Variants in EFCAB6 observed in about 807,000 individuals in gnomAD.
EFCAB6 encodes the protein EF-hand calcium binding domain 6, also known as EF-hand calcium-binding domain-containing protein 6.
EFCAB6 carries 156 observed loss-of-function variants against 169.8 expected under a neutral mutation model. The observed-to-expected ratio is 0.92, with a 90% confidence interval of 0.81 to 1.05. EFCAB6 has a LOEUF of 1.05. Ranked by LOEUF, EFCAB6 falls within the 50% of genes least tolerant of loss-of-function variation. The pLI is 0.00. For synonymous variants in EFCAB6, 698 were observed against 676.4 expected, an observed-to-expected ratio of 1.03 and a Z score of -0.50; for missense variants, 1,800 against 1,829.1, an observed-to-expected ratio of 0.98 and a Z score of 0.29.
At chr22:43,683,969 G>T (rs1200877755) in intron 11 of EFCAB6, 114 bp from the exon 12 acceptor site, 1 of 756,056 alleles carries the variant, frequency 1.3e-6, no homozygotes, top group South Asian at 1.7e-5. Flanking sequence ...TTCTCTGTGC[G>T]TGGCTCTTTT....
chr22:43,794,355 T>A (rs990909058), intron 2 of EFCAB6, among the ~76,000 whole-genome samples: 1 of 152,162 alleles, frequency 6.6e-6, no homozygotes, highest in Admixed American at 6.5e-5. Flanking sequence ...TATCCATATT[T>A]TTAGAGGTGG....
chr22:43,613,350 G>T (rs2053459915), intron 21 of EFCAB6, among the ~76,000 whole-genome samples: 1 of 151,856 alleles, frequency 6.6e-6, no homozygotes, highest in African/African-American at 2.4e-5. Flanking sequence ...GTGAAGACAT[G>T]GAATCAACCT....
At position 43,545,358 on chromosome 22, in the gene EFCAB6, T is replaced by C. The variant is rs188437591; in HGVS notation, c.3649-5001A>G. Among the ~76,000 whole-genome samples the C allele has an allele frequency of 5.2e-3, 790 of 152,302 alleles. 4 individuals are homozygous for C. The highest frequency in any genetic ancestry group is 0.041 in the Middle Eastern group (12 of 294). ...TTACAGTTTAAAGAGATCCTAGGCA[T>C]TATGGCAGCCTAGACATTCTAATAA... On this transcript the variant is annotated intron_variant, in intron 27 of 31. Coordinates refer to ENST00000262726, the MANE Select transcript of EFCAB6 (RefSeq NM_022785.4).
Position 43,626,389 on chromosome 22 carries a change from C to T in EFCAB6, c.2465+58G>A, listed in dbSNP as rs1370898477. Reference sequence around the variant, plus strand: ...TTGCGGACGCCATGGAAATGCTGGACGTCACAGTGGCACGGGCCGGCATAT... The same window carrying T: ...TTGCGGACGCCATGGAAATGCTGGATGTCACAGTGGCACGGGCCGGCATAT... On this transcript the variant is annotated intron_variant, in intron 20 of 31. Coordinates refer to ENST00000262726, the MANE Select transcript of EFCAB6 (RefSeq NM_022785.4). 46 of 1,519,944 alleles carry T rather than the reference C, an allele frequency of 3.0e-5. No homozygotes were observed. In the East Asian group the frequency reaches 4.4e-4, roughly 14 times the overall value. The allele number at this position is 1,519,944 out of a possible 1,614,324, so 94.2% of individuals were successfully genotyped here.
intron 13 of EFCAB6, among the ~76,000 whole-genome samples, chr22:43,676,897 A>T (rs1425744187): frequency 6.6e-6 from 1 of 152,192 alleles, no homozygotes; most frequent in Non-Finnish European, 1.5e-5. Context: ...CAGCTAAACC[A>T]TCTTAAAGCT....
chr22:43,627,390 G>A (rs967518179), intron 19 of EFCAB6, among the ~76,000 whole-genome samples: 1 of 152,208 alleles, frequency 6.6e-6, no homozygotes, highest in Non-Finnish European at 1.5e-5. Context: ...ACGTGACCAT[G>A]GGTGAGATAA....
In EFCAB6 at chr22:43,577,574, G is replaced by C. The variant is rs565008664; in HGVS notation, c.3229-1086C>G. On this transcript the variant is annotated intron_variant, in intron 25 of 31. Coordinates refer to ENST00000262726, the MANE Select transcript of EFCAB6 (RefSeq NM_022785.4). ...TAAACTTTAGCTTCTTTACTGTAAA[G>C]ATGGACTTAACTCAGAGGGCAGGTG... 9.2e-5 allele frequency among the ~76,000 whole-genome samples: 14 copies of C among 152,306 alleles called. No homozygotes were observed. In the South Asian group the frequency reaches 2.9e-3, roughly 32 times the overall value.
rs144517231 is a variant in EFCAB6 at position 43,667,261 on chromosome 22, G to A, written c.1826C>T (p.Thr609Met). The A allele has an allele frequency of 1.9e-5, 31 of 1,613,052 alleles. No homozygotes were observed. Among genetic ancestry groups the A allele is most frequent in the African/African-American group, 1.9e-4 (14 of 74,784 alleles). ...QPDLSERTKLTEDKTTLTKKM... is the reference protein window; with the variant it reads ...QPDLSERTKLMEDKTTLTKKM... The stretch of plus-strand genomic sequence containing the variant: ...CTTGGTCAGGGTGGTTTTATCCTCC[G>A]TGAGCTTGGTTCTAAAATCACAAGC... The change falls in exon 17 of 32, where the codon ACG (threonine) becomes ATG (methionine). Residue 609 changes from threonine to methionine, a missense_variant. Thr to Met is a moderately conservative substitution (Grantham distance 81, BLOSUM62 -1). Transcript: ENST00000262726.
At chr22:43,671,419 C>A (rs2057489015) in intron 15 of EFCAB6, among the ~76,000 whole-genome samples, 1 of 152,020 alleles carries the variant, frequency 6.6e-6, no homozygotes, top group Admixed American at 6.6e-5. Context: ...GATTGTGTAT[C>A]ATTATTTGCT....
Position 43,744,468 on chromosome 22 carries a change from C to G in EFCAB6, c.508-8475G>C, listed in dbSNP as rs2060491905. Among the ~76,000 whole-genome samples the G allele has an allele frequency of 6.6e-6, 1 of 152,122 alleles. No homozygotes were observed. Among genetic ancestry groups the G allele is most frequent in the Non-Finnish European group, 1.5e-5 (1 of 68,020 alleles). Reference sequence around the variant, plus strand: ...GCAGCAGATGAAAGCAGCCTGAACACCTATTTTGGTATGGACGGGACTTGT... The same window carrying G: ...GCAGCAGATGAAAGCAGCCTGAACAGCTATTTTGGTATGGACGGGACTTGT... On this transcript the variant is annotated intron_variant, in intron 6 of 31. Coordinates refer to ENST00000262726, the MANE Select transcript of EFCAB6 (RefSeq NM_022785.4). The surrounding 1 kb of genome is among the most constrained non-coding windows in gnomAD (Gnocchi z 4.3).
intron 2 of EFCAB6, among the ~76,000 whole-genome samples, chr22:43,786,710 TA>T (rs1169494473): frequency 6.8e-6 from 1 of 147,854 alleles, no homozygotes; most frequent in African/African-American, 2.5e-5. Flanking sequence ...CGAGACTCCA[TA>T]AAAAAAATAA....
rs563974290 is a variant in EFCAB6, at chr22:43,530,888, C to T, written c.4310G>A (p.Arg1437Lys). ...RIQPKIVHCWRPMRRTFKSYD... is the reference protein window; with the variant it reads ...RIQPKIVHCWKPMRRTFKSYD... The stretch of plus-strand genomic sequence containing the variant: ...GCTTTTGAACGTGCGCCGCATTGGC[C>T]TCCAGCAGTGCACAATTTTGGGCTG... The change falls in exon 31 of 32, where the codon AGG (arginine) becomes AAG (lysine). Residue 1437 changes from arginine (R) to lysine (K), a missense_variant. Transcript: ENST00000262726. 2 of 1,614,252 alleles carry T rather than the reference C, an allele frequency of 1.2e-6. No individual in the cohort carries two copies. The highest frequency in any genetic ancestry group is 2.7e-5 in the African/African-American group (2 of 75,070).
At chr22:43,593,190 G>A (rs559443029) in intron 23 of EFCAB6, among the ~76,000 whole-genome samples, 29 of 152,336 alleles carry the variant, frequency 1.9e-4, no homozygotes, top group Middle Eastern at 3.4e-3. Flanking sequence ...ATATTTTTGA[G>A]GAAACAGAAA....
At chr22:43,622,327 G>A (rs1472611590) in intron 20 of EFCAB6, among the ~76,000 whole-genome samples, 1 of 152,166 alleles carries the variant, frequency 6.6e-6, no homozygotes, top group Non-Finnish European at 1.5e-5. Context: ...CACTTCAGGA[G>A]GCCAAGGTGG....
At chr22:43,704,138 A>G (rs745476825) in intron 10 of EFCAB6, among the ~76,000 whole-genome samples, 1 of 152,152 alleles carries the variant, frequency 6.6e-6, no homozygotes, top group Non-Finnish European at 1.5e-5. Flanking sequence ...AAAAAAACAT[A>G]TCACATACAA....
chr22:43,537,116 G>A lies in EFCAB6; in HGVS notation c.4048+261C>T, dbSNP rs1179219489. The A allele has an allele frequency of 2.8e-6, 1 of 359,798 alleles. No homozygotes were observed. The highest frequency in any genetic ancestry group is 5.0e-6 in the Non-Finnish European group (1 of 198,300). The allele number at this position is 359,798 out of a possible 1,614,324, so 22.3% of individuals were successfully genotyped here. ...CACTCTGCCCAGGGTGGCAACCACT[G>A]TGATTTCTAAAGCTCAGAGTTAGTG... On this transcript the variant is annotated intron_variant, in intron 29 of 31. Coordinates refer to ENST00000262726, the MANE Select transcript of EFCAB6 (RefSeq NM_022785.4). This position sits in a 1 kb window ranked among gnomAD's most constrained non-coding sequence, Gnocchi z 4.3.
rs145149051 is a variant in EFCAB6 at position 43,588,323 on chromosome 22, TC to T, written c.3032+1750del. Among the ~76,000 whole-genome samples the T allele has an allele frequency of 4.2e-3, 646 of 152,336 alleles. 5 individuals carry two copies. The highest frequency in any genetic ancestry group is 0.014 in the African/African-American group (592 of 41,578). On this transcript the variant is annotated intron_variant, in intron 24 of 31. Coordinates refer to ENST00000262726, the MANE Select transcript of EFCAB6 (RefSeq NM_022785.4). ...AAAAGCAACACTGAGGAGAGACTTA[TC>T]TGGTAAAGAAAACTTTTTTTAAAAG...
intron 21 of EFCAB6, among the ~76,000 whole-genome samples, chr22:43,615,288 T>C (rs929494770): frequency 6.6e-6 from 1 of 152,238 alleles, no homozygotes; most frequent in African/African-American, 2.4e-5. Context: ...GGTCTGGCTG[T>C]CATTGGCCCT....
Position 43,537,651 on chromosome 22 carries a change from G to A in EFCAB6, c.3880-106C>T. ...TTTGAGGTTCACAATTTTAGAGGCAGAATTAGCCCAGAAATAAAATGAAGA... is the reference window on the plus strand; with the variant it reads ...TTTGAGGTTCACAATTTTAGAGGCAAAATTAGCCCAGAAATAAAATGAAGA... On this transcript the variant is annotated intron_variant, in intron 28 of 31. Transcript: ENST00000262726. This position sits in a 1 kb window ranked among gnomAD's most constrained non-coding sequence, Gnocchi z 4.3. 1 of 1,256,908 alleles carries A rather than the reference G, an allele frequency of 8.0e-7. No individual in the cohort carries two copies. Among genetic ancestry groups the A allele is most frequent in the Non-Finnish European group, 1.1e-6 (1 of 933,040 alleles). The allele number at this position is 1,256,908 out of a possible 1,614,324, so 77.9% of individuals were successfully genotyped here.
Sources: gnomAD v4.1 joint callset for allele counts (sites outside exome capture counted in the v4.1 genomes callset) on GRCh38, gnomAD v4.1.1 for gene constraint, Gnocchi (gnomAD v3.1) non-coding constraint, MANE v1.5 for transcripts, NCBI Gene and HGNC (gene_info 2026-07-23, HGNC 2026-07-21) for gene names.